Variants in TAS1R2 observed in about 807,000 individuals in gnomAD.
TAS1R2 encodes the protein taste receptor type 1 member 2.
TAS1R2 carries 47 observed loss-of-function variants against 49.3 expected under a neutral mutation model. The ratio of observed to expected loss-of-function variants is 0.95; its 90% confidence interval spans 0.75 to 1.22. The LOEUF is 1.22. Ranked by LOEUF, TAS1R2 falls within the 50% of genes most tolerant of loss-of-function variation. TAS1R2 has a pLI of 0.00. For missense variants in TAS1R2, 1,155 were observed against 1,122.1 expected, an observed-to-expected ratio of 1.03 and a Z score of -0.42; for synonymous variants, 479 against 467.9, an observed-to-expected ratio of 1.02 and a Z score of -0.31.
chr1:18,853,374 A>C (rs886232907), intron 3 of TAS1R2, among the ~76,000 whole-genome samples: 2 of 141,188 alleles, frequency 1.4e-5, no homozygotes, highest in African/African-American at 5.4e-5. Context: ...TTAAAGAATA[A>C]CTGCAATCTT....
At chr1:18,844,289 T>C (rs1569660840) in intron 4 of TAS1R2, among the ~76,000 whole-genome samples, 1 of 152,140 alleles carries the variant, frequency 6.6e-6, no homozygotes, top group Non-Finnish European at 1.5e-5. Context: ...GCTTGGCTGG[T>C]TGTTCAGGGG....
intron 3 of TAS1R2, among the ~76,000 whole-genome samples, chr1:18,852,784 G>C (rs1189582148): frequency 6.6e-6 from 1 of 152,198 alleles, no homozygotes; most frequent in African/African-American, 2.4e-5. Flanking sequence ...CCCTACTTCA[G>C]TCCTGCCTTC....
intron 3 of TAS1R2, among the ~76,000 whole-genome samples, chr1:18,850,767 G>T (rs1934006909): frequency 6.6e-6 from 1 of 152,236 alleles, no homozygotes; most frequent in Non-Finnish European, 1.5e-5. Flanking sequence ...GCACCTTGGG[G>T]TTCCCTCATC....
At position 18,854,572 on chromosome 1, in the gene TAS1R2, C is replaced by T. The variant is rs201197024; in HGVS notation, c.898G>A (p.Ala300Thr). ...GGGTCGATGGCCCAGGACTCGGAGG[C>T]GATCCACACGGCGCCAGTGAAGTTC... The change falls in exon 3 of 6, where the codon GCC (alanine) becomes ACC (threonine). Residue 300 changes from alanine to threonine, a missense_variant. By Grantham distance (58) the Ala-to-Thr change is moderately conservative. Coordinates refer to ENST00000375371, the Ensembl canonical transcript of TAS1R2. This position sits in a 1 kb window ranked among gnomAD's most constrained non-coding sequence, Gnocchi z 4.9. 58 of 1,612,964 alleles carry T rather than the reference C, an allele frequency of 3.6e-5. No homozygotes were observed. Among genetic ancestry groups the T allele is most frequent in the Middle Eastern group, 1.7e-4 (1 of 6,060 alleles).
intron 2 of TAS1R2, among the ~76,000 whole-genome samples, chr1:18,855,589 C>T (rs904089944): frequency 6.6e-6 from 1 of 152,178 alleles, no homozygotes; most frequent in Non-Finnish European, 1.5e-5. Flanking sequence ...CCTTGGTGGT[C>T]CCATCCAGCC....
chr1:18,843,998 G>T (rs61761365), intron 4 of TAS1R2, among the ~76,000 whole-genome samples: 46,584 of 152,140 alleles, frequency 0.31, 7,805 homozygotes, highest in Non-Finnish European at 0.37. Flanking sequence ...TAAGACCTCA[G>T]GGAGAGATTC....
chr1:18,850,106 CA>C (rs1435307300), intron 3 of TAS1R2, among the ~76,000 whole-genome samples: 1 of 152,132 alleles, frequency 6.6e-6, no homozygotes, highest in Non-Finnish European at 1.5e-5. Flanking sequence ...GCTCTCATTC[CA>C]GTCTCTCCCC....
exon 1 of TAS1R2, chr1:18,859,598 C>G: frequency 6.2e-7 from 1 of 1,614,198 alleles, no homozygotes; most frequent in Non-Finnish European, 8.5e-7. Context: ...AGTTCTCAGC[C>G]GGCTCAGCCA....
chr1:18,855,060 CCAT>C (rs1194209184), intron 2 of TAS1R2, 74 bp from the exon 3 acceptor site: 8 of 1,538,716 alleles, frequency 5.2e-6, no homozygotes, highest in Non-Finnish European at 7.0e-6. Flanking sequence ...GCTCTATCCA[CCAT>C]CATCATCTGG....
exon 2 of TAS1R2, chr1:18,857,414 G>A (rs776963150): frequency 1.2e-5 from 20 of 1,614,184 alleles, no homozygotes; most frequent in Admixed American, 6.7e-5. Context: ...GCCACCACAC[G>A]GGAAATGTAG....
Position 18,854,191 on chromosome 1 carries a change from T to C in TAS1R2, c.1257+22A>G, listed in dbSNP as rs377046164. On this transcript the variant is annotated intron_variant, in intron 3 of 5. Transcript: ENST00000375371. The surrounding 1 kb of genome is among the most constrained non-coding windows in gnomAD (Gnocchi z 4.9). ...AGGAGGATGGAGGTGCCCTGCAGACTCTATGGCAGCCACCCCCTCACCTGC... is the reference window on the plus strand; with the variant it reads ...AGGAGGATGGAGGTGCCCTGCAGACCCTATGGCAGCCACCCCCTCACCTGC... The C allele has an allele frequency of 1.7e-5, 27 of 1,607,696 alleles. No homozygotes were observed. Among genetic ancestry groups the C allele is most frequent in the Non-Finnish European group, 2.1e-5 (25 of 1,175,866 alleles).
chr1:18,859,102 C>T (rs1350938450), intron 1 of TAS1R2, among the ~76,000 whole-genome samples: 1 of 152,166 alleles, frequency 6.6e-6, no homozygotes, highest in Non-Finnish European at 1.5e-5. Flanking sequence ...CATTCTGCCT[C>T]CCAAAGGTTT....
At position 18,854,663 on chromosome 1, in the gene TAS1R2, C is replaced by T. The variant is rs202163137; in HGVS notation, c.807G>A (p.Ala269=). The T allele has an allele frequency of 1.4e-5, 22 of 1,614,028 alleles. No individual in the cohort carries two copies. The highest frequency in any genetic ancestry group is 1.7e-5 in the Admixed American group (1 of 60,018). ...CGGGCGAGAACACGACCACGACGCG[C>T]GCTGTGCTCTGCTGCAGCTTGTCCA... The change falls in exon 3 of 6, where the codon GCG becomes GCA. Residue 269 remains alanine (A), a synonymous_variant. Coordinates refer to ENST00000375371, the Ensembl canonical transcript of TAS1R2. The surrounding 1 kb of genome is among the most constrained non-coding windows in gnomAD (Gnocchi z 4.9).
intron 3 of TAS1R2, among the ~76,000 whole-genome samples, chr1:18,851,856 C>T (rs568725754): frequency 6.6e-6 from 1 of 152,312 alleles, no homozygotes; most frequent in African/African-American, 2.4e-5. Flanking sequence ...TTACCACCAC[C>T]CCTGGCCACT....
chr1:18,846,936 G>A (rs1486585565), intron 4 of TAS1R2, among the ~76,000 whole-genome samples: 2 of 152,222 alleles, frequency 1.3e-5, no homozygotes, highest in Non-Finnish European at 2.9e-5. Context: ...GAGTTCTTGT[G>A]AGATCTGGTC....
intron 1 of TAS1R2, 93 bp from the exon 2 acceptor site, chr1:18,857,724 GA>G (rs1934167277): frequency 1.0e-5 from 15 of 1,429,248 alleles, no homozygotes; most frequent in Non-Finnish European, 1.3e-5. Flanking sequence ...CCTGCCACAG[GA>G]AAGCCAAGGC....
rs369987861 is a variant in TAS1R2, at chr1:18,854,955, C to T, written c.515G>A (p.Arg172Gln). 1.3e-5 allele frequency: 21 copies of T among 1,606,326 alleles called. No homozygotes were observed. The highest frequency in any genetic ancestry group is 4.0e-5 in the African/African-American group (3 of 74,770). Residue 172 changes from arginine to glutamine, a missense_variant, in exon 3 of 6, where the codon CGA (arginine) becomes CAA (glutamine). Physicochemically the swap from Arg to Gln is conservative, Grantham distance 43. Coordinates refer to ENST00000375371, the Ensembl canonical transcript of TAS1R2. The surrounding 1 kb of genome is among the most constrained non-coding windows in gnomAD (Gnocchi z 4.9). The stretch of plus-strand genomic sequence containing the variant: ...CAAAGCCGGGAAGCGCACCTTGTCT[C>T]GCAGCTCATCGCTGATGGCGCTGTA...
chr1:18,858,991 C>T lies in TAS1R2; in HGVS notation c.182+488G>A, dbSNP rs1934190647. On this transcript the variant is annotated intron_variant, in intron 1 of 5. Transcript: ENST00000375371. ...CAGCCCCCACAATCTCCAAGTGATGCTGCCACCCCAAGGGGCTCAGGGAGG... is the reference window on the plus strand; with the variant it reads ...CAGCCCCCACAATCTCCAAGTGATGTTGCCACCCCAAGGGGCTCAGGGAGG... 2.0e-5 allele frequency among the ~76,000 whole-genome samples: 3 copies of T among 152,310 alleles called. No homozygotes were observed. In the East Asian group the frequency reaches 5.8e-4, roughly 29 times the overall value.
At chr1:18,853,260 C>T (rs1325676441) in intron 3 of TAS1R2, among the ~76,000 whole-genome samples, 1 of 152,134 alleles carries the variant, frequency 6.6e-6, no homozygotes, top group African/African-American at 2.4e-5. Flanking sequence ...GCCTAGTAGG[C>T]ACTCAAAGAG....
Sources: gnomAD v4.1 joint callset for allele counts (sites outside exome capture counted in the v4.1 genomes callset) on GRCh38, gnomAD v4.1.1 for gene constraint, Gnocchi (gnomAD v3.1) non-coding constraint, MANE v1.5 for transcripts, NCBI Gene and HGNC (gene_info 2026-07-23, HGNC 2026-07-21) for gene names.